GALNT13: variants seen among roughly 807,000 people sequenced by gnomAD.
GALNT13 encodes the protein polypeptide N-acetylgalactosaminyltransferase 13.
In GALNT13, 28 loss-of-function variants were observed where a neutral mutation model predicts 64.2. The observed-to-expected ratio is 0.44, with a 90% CI of 0.32 to 0.60. The LOEUF is 0.60. GALNT13 is among the 20% of genes least tolerant of loss of function. The pLI, the probability that GALNT13 is intolerant of heterozygous loss-of-function variation, is 0.05. For missense variants in GALNT13, 577 were observed against 669.8 expected, an observed-to-expected ratio of 0.86 and a Z score of 1.53; for synonymous variants, 214 against 224.6, an observed-to-expected ratio of 0.95 and a Z score of 0.42.
At chr2:153,839,695 A>G in the GALNT13 span, among the ~76,000 whole-genome samples, 5 of 151,854 alleles carry the variant, frequency 3.3e-5, no homozygotes, top group Admixed American at 2.6e-4. Flanking sequence ...TAGATGGTTA[A>G]TTTTTCTGAT....
In GALNT13 at chr2:154,325,651, G is replaced by T. The variant is rs141278313; in HGVS notation, c.1156+24062G>T. 2.4e-3 allele frequency among the ~76,000 whole-genome samples: 359 copies of T among 151,380 alleles called. 2 individuals carry two copies. Among genetic ancestry groups the T allele is most frequent in the African/African-American group, 8.2e-3 (338 of 41,222 alleles). On this transcript the variant is annotated intron_variant, in intron 9 of 12. Coordinates refer to ENST00000392825, the MANE Select transcript of GALNT13 (RefSeq NM_052917.4). The stretch of plus-strand genomic sequence containing the variant: ...ACATAATAATTGTATACTTTGATGG[G>T]GTACGTGTGATGCTTTAGTATAGTC...
At chr2:153,806,295 T>A in the GALNT13 span, among the ~76,000 whole-genome samples, 3 of 152,126 alleles carry the variant, frequency 2.0e-5, no homozygotes, top group African/African-American at 4.8e-5. Context: ...TAGCCAAAGA[T>A]AGAATAATTT....
At chr2:154,330,675 T>C (rs1354732128) in intron 9 of GALNT13, among the ~76,000 whole-genome samples, 2 of 152,060 alleles carry the variant, frequency 1.3e-5, no homozygotes, top group African/African-American at 4.8e-5. Context: ...CAGATCTTAA[T>C]AGGATATTAA....
chr2:154,162,258 T>G (rs935989130), intron 4 of GALNT13, among the ~76,000 whole-genome samples: 1 of 152,212 alleles, frequency 6.6e-6, no homozygotes, highest in Admixed American at 6.5e-5. Context: ...TGGGGAAATA[T>G]CTGTTTAACT....
chr2:154,409,432 G>T, intron 11 of GALNT13: 1 of 223,400 alleles, frequency 4.5e-6, no homozygotes, highest in Non-Finnish European at 8.8e-6. Flanking sequence ...TTTTCCCAAT[G>T]GTTATTTTTA....
At chr2:153,233,990 G>A in the GALNT13 span, among the ~76,000 whole-genome samples, 3 of 152,166 alleles carry the variant, frequency 2.0e-5, no homozygotes, top group African/African-American at 4.8e-5. Flanking sequence ...TTACAAAAAT[G>A]TATAAAAGAA....
chr2:153,098,900 G>A, the GALNT13 span, among the ~76,000 whole-genome samples: 1 of 152,170 alleles, frequency 6.6e-6, no homozygotes, highest in African/African-American at 2.4e-5. Context: ...GCCTGTGAGA[G>A]ATAGCCTCTT....
the GALNT13 span, among the ~76,000 whole-genome samples, chr2:153,290,144 C>T: frequency 6.6e-6 from 1 of 152,090 alleles, no homozygotes; most frequent in African/African-American, 2.4e-5. Context: ...AAACAGGGAC[C>T]TCAGTGTTTC....
chr2:154,154,762 T>C (rs1472036713), intron 4 of GALNT13, among the ~76,000 whole-genome samples: 1 of 152,162 alleles, frequency 6.6e-6, no homozygotes, highest in Non-Finnish European at 1.5e-5. Context: ...TATTTGTGTA[T>C]GTGCATTTAT....
chr2:153,222,349 C>G, the GALNT13 span, among the ~76,000 whole-genome samples: 8 of 20,218 alleles, frequency 4.0e-4, no homozygotes, highest in East Asian at 3.1e-3. Flanking sequence ...GGGGGTTGGG[C>G]TTATAGGCTT....
the GALNT13 span, among the ~76,000 whole-genome samples, chr2:153,852,195 T>G: frequency 6.6e-6 from 1 of 152,100 alleles, no homozygotes; most frequent in Non-Finnish European, 1.5e-5. Context: ...TATAACTACA[T>G]TAAATGTAAA....
At chr2:153,505,124 A>T in the GALNT13 span, among the ~76,000 whole-genome samples, 3 of 152,056 alleles carry the variant, frequency 2.0e-5, no homozygotes, top group Non-Finnish European at 4.4e-5. Flanking sequence ...GTATATTTCC[A>T]GGAATCTGTC....
intron 7 of GALNT13, among the ~76,000 whole-genome samples, chr2:154,246,526 C>T (rs1411245262): frequency 6.6e-6 from 1 of 152,032 alleles, no homozygotes; most frequent in African/African-American, 2.4e-5. Context: ...AAAATATGCA[C>T]TTACTTGTAA....
At chr2:153,551,846 A>C in the GALNT13 span, among the ~76,000 whole-genome samples, 1 of 152,188 alleles carries the variant, frequency 6.6e-6, no homozygotes, top group Non-Finnish European at 1.5e-5. Flanking sequence ...TAAGTTTTAG[A>C]GTCATTAACA....
intron 3 of GALNT13, among the ~76,000 whole-genome samples, chr2:153,952,680 A>G (rs1692279794): frequency 6.6e-6 from 1 of 152,152 alleles, no homozygotes; most frequent in Admixed American, 6.6e-5. Flanking sequence ...AGGGGAGTTT[A>G]TTAAGGAGTA....
the GALNT13 span, among the ~76,000 whole-genome samples, chr2:153,589,871 T>G: frequency 3.3e-5 from 5 of 152,160 alleles, no homozygotes; most frequent in East Asian, 9.6e-4. Context: ...AGATGAGATT[T>G]GTGTGGGAAT....
At chr2:153,314,498 A>G in the GALNT13 span, among the ~76,000 whole-genome samples, 2 of 152,162 alleles carry the variant, frequency 1.3e-5, no homozygotes, top group African/African-American at 2.4e-5. Flanking sequence ...TTTTTTCTCA[A>G]TTATATTTGG....
At chr2:154,412,783 C>T (rs1699850066) in intron 11 of GALNT13, among the ~76,000 whole-genome samples, 1 of 151,736 alleles carries the variant, frequency 6.6e-6, no homozygotes, top group South Asian at 2.1e-4. Context: ...AATTATTATT[C>T]AATTCAACAT....
At chr2:154,083,134 A>G (rs1701359576) in intron 3 of GALNT13, among the ~76,000 whole-genome samples, 1 of 152,068 alleles carries the variant, frequency 6.6e-6, no homozygotes, top group Non-Finnish European at 1.5e-5. Context: ...GCATATGGCT[A>G]GCCAGTTTTC....
Sources: gnomAD v4.1 joint callset for allele counts (sites outside exome capture counted in the v4.1 genomes callset) on GRCh38, gnomAD v4.1.1 for gene constraint, MANE v1.5 for transcripts, NCBI Gene and HGNC (gene_info 2026-07-23, HGNC 2026-07-21) for gene names.